LDB2: variants seen among roughly 807,000 people sequenced by gnomAD.
LDB2 encodes the protein LIM domain binding 2.
Under a neutral mutation model 44.3 loss-of-function variants are expected in LDB2, and 12 were observed. That is an observed-to-expected ratio of 0.27 (90% CI 0.17 to 0.44). LDB2 has a LOEUF of 0.44. LDB2 is among the 20% of genes least tolerant of loss of function. The pLI is 1.00. For missense variants in LDB2, 344 were observed against 473.5 expected, an observed-to-expected ratio of 0.73 and a Z score of 2.54; for synonymous variants, 164 against 174.8, an observed-to-expected ratio of 0.94 and a Z score of 0.49.
At position 16,858,514 on chromosome 4, in the gene LDB2, G is replaced by A. The variant is rs373632351; in HGVS notation, c.132+39840C>T. 5.3e-5 allele frequency among the ~76,000 whole-genome samples: 8 copies of A among 152,264 alleles called. 1 individual carries two copies. Among genetic ancestry groups the A allele is most frequent in the East Asian group, 3.9e-4 (2 of 5,180 alleles). Reference sequence around the variant, plus strand: ...CCCCCACAACAAACTTTTCTTAAACGCTGCTTGGGAAGGGTGTTTGCTAAG... The same window carrying A: ...CCCCCACAACAAACTTTTCTTAAACACTGCTTGGGAAGGGTGTTTGCTAAG... On this transcript the variant is annotated intron_variant, in intron 1 of 7. Transcript: ENST00000304523.
chr4:16,709,784 C>T (rs1476313205), intron 2 of LDB2, among the ~76,000 whole-genome samples: 1 of 152,090 alleles, frequency 6.6e-6, no homozygotes, highest in Non-Finnish European at 1.5e-5. Flanking sequence ...TCTTGAAATA[C>T]TATAAGTGAG....
chr4:16,897,917 T>TAC (rs201377504), intron 1 of LDB2, among the ~76,000 whole-genome samples: 1 of 16,900 alleles, frequency 5.9e-5, no homozygotes, highest in Non-Finnish European at 9.3e-5. Flanking sequence ...TATATATATA[T>TAC]ATATATATAT....
chr4:16,827,707 A>C (rs561639028), intron 1 of LDB2, among the ~76,000 whole-genome samples: 1 of 152,324 alleles, frequency 6.6e-6, no homozygotes, highest in South Asian at 2.1e-4. Context: ...TGCAAGATCA[A>C]CATGATCTTG....
chr4:16,613,836 A>T (rs565455319), intron 2 of LDB2, among the ~76,000 whole-genome samples: 2 of 152,354 alleles, frequency 1.3e-5, no homozygotes, highest in East Asian at 3.9e-4. Flanking sequence ...GAAAATGACC[A>T]TACTGCCCGA....
chr4:16,811,398 A>AC (rs1215237708), intron 1 of LDB2, among the ~76,000 whole-genome samples: 1 of 152,198 alleles, frequency 6.6e-6, no homozygotes, highest in Non-Finnish European at 1.5e-5. Context: ...GGATAGAACC[A>AC]CCTTTGAATT....
intron 2 of LDB2, among the ~76,000 whole-genome samples, chr4:16,756,842 C>A (rs1051860122): frequency 6.6e-6 from 1 of 151,684 alleles, no homozygotes; most frequent in Non-Finnish European, 1.5e-5. Flanking sequence ...CCCAAAAGGA[C>A]CCCCCTAGAC....
rs1730846206 is a variant in LDB2, at chr4:16,533,661, G to A, written c.616-21557C>T. Among the ~76,000 whole-genome samples, 1 of 152,180 alleles carries A rather than the reference G, an allele frequency of 6.6e-6. No individual in the cohort carries two copies. The highest frequency in any genetic ancestry group is 2.4e-5 in the African/African-American group (1 of 41,448). ...CTTCACCATATCCCTAACGTTACCA[G>A]ACACCTTGTCTGAGGGACGTCACCC... On this transcript the variant is annotated intron_variant, in intron 5 of 7. Coordinates refer to ENST00000304523, the MANE Select transcript of LDB2 (RefSeq NM_001290.5). The surrounding 1 kb of genome is among the most constrained non-coding windows in gnomAD (Gnocchi z 4.1).
chr4:16,622,946 A>G (rs1303838470), intron 2 of LDB2, among the ~76,000 whole-genome samples: 1 of 152,134 alleles, frequency 6.6e-6, no homozygotes, highest in Non-Finnish European at 1.5e-5. Context: ...CAATTTTACC[A>G]CGTTTATTTT....
At chr4:16,710,150 G>C (rs1755548986) in intron 2 of LDB2, among the ~76,000 whole-genome samples, 1 of 152,044 alleles carries the variant, frequency 6.6e-6, no homozygotes, top group Non-Finnish European at 1.5e-5. Context: ...TGATGGGATG[G>C]GAAGAAGAAT....
intron 1 of LDB2, among the ~76,000 whole-genome samples, chr4:16,869,022 T>TGGTAGATGATGC (rs1561490576): frequency 6.6e-6 from 1 of 151,880 alleles, no homozygotes. Flanking sequence ...GTAGATGATG[T>TGGTAGATGATGC]TGATGATGAT....
At chr4:16,629,946 C>T (rs1731429083) in intron 2 of LDB2, among the ~76,000 whole-genome samples, 1 of 152,038 alleles carries the variant, frequency 6.6e-6, no homozygotes, top group Non-Finnish European at 1.5e-5. Context: ...TGTGAAAAGA[C>T]CAAATCTACA....
chr4:16,513,873 C>T (rs1187556925), intron 5 of LDB2, among the ~76,000 whole-genome samples: 1 of 152,214 alleles, frequency 6.6e-6, no homozygotes, highest in Non-Finnish European at 1.5e-5. Context: ...CCTATCCCCG[C>T]CAAAGGTAGA....
intron 5 of LDB2, among the ~76,000 whole-genome samples, chr4:16,515,060 A>G (rs1723117588): frequency 6.6e-6 from 1 of 152,188 alleles, no homozygotes; most frequent in South Asian, 2.1e-4. Context: ...GGTGGATTGG[A>G]TAAAGAAAAT....
intron 1 of LDB2, among the ~76,000 whole-genome samples, chr4:16,878,045 A>C (rs1303250047): frequency 2.0e-5 from 3 of 152,246 alleles, no homozygotes; most frequent in African/African-American, 7.2e-5. Context: ...ATTTAAAAAA[A>C]TAAAAAGGAT....
intron 1 of LDB2, among the ~76,000 whole-genome samples, chr4:16,860,673 A>G (rs1712225820): frequency 6.6e-6 from 1 of 152,250 alleles, no homozygotes; most frequent in African/African-American, 2.4e-5. Context: ...ATTTCTTGAC[A>G]AAGCATTCTA....
At chr4:16,832,245 G>C (rs562846890) in intron 1 of LDB2, among the ~76,000 whole-genome samples, 26 of 152,202 alleles carry the variant, frequency 1.7e-4, no homozygotes, top group African/African-American at 6.3e-4. Context: ...AGAAGGTGTT[G>C]GTATTATCAT....
chr4:16,781,941 G>T (rs1301527967), intron 1 of LDB2, among the ~76,000 whole-genome samples: 2 of 152,104 alleles, frequency 1.3e-5, no homozygotes, highest in Non-Finnish European at 2.9e-5. Flanking sequence ...GAAACACATG[G>T]GACAGATTCT....
intron 5 of LDB2, among the ~76,000 whole-genome samples, chr4:16,579,641 T>G (rs1423167697): frequency 2.0e-5 from 3 of 152,204 alleles, no homozygotes; most frequent in African/African-American, 7.2e-5. Context: ...TGCATTCAAC[T>G]CTTTTGTTCC....
At chr4:16,794,951 G>A (rs1776434779) in intron 1 of LDB2, among the ~76,000 whole-genome samples, 1 of 152,208 alleles carries the variant, frequency 6.6e-6, no homozygotes, top group Non-Finnish European at 1.5e-5. Flanking sequence ...GTGCCAGGCA[G>A]TGGAAATTAA....
Sources: gnomAD v4.1 joint callset for allele counts (sites outside exome capture counted in the v4.1 genomes callset) on GRCh38, gnomAD v4.1.1 for gene constraint, Gnocchi (gnomAD v3.1) non-coding constraint, MANE v1.5 for transcripts, NCBI Gene and HGNC (gene_info 2026-07-23, HGNC 2026-07-21) for gene names.